The following TACR3 variants were observed in gnomAD, a reference collection of about 807,000 sequenced individuals.
The protein encoded by TACR3 is neuromedin-K receptor.
Under a neutral mutation model 35.0 loss-of-function variants are expected in TACR3, and 34 were observed. The ratio of observed to expected loss-of-function variants is 0.97; its 90% CI spans 0.74 to 1.30. The LOEUF is 1.30. TACR3 is among the 50% of genes most tolerant of loss of function. The pLI is 0.00. For synonymous variants in TACR3, 233 were observed against 221.1 expected (o/e 1.05, Z -0.48); for missense variants, 558 against 591.7 (o/e 0.94, Z 0.59).
intron 3 of TACR3, among the ~76,000 whole-genome samples, chr4:103,596,166 G>T (rs4698899): frequency 0.62 from 88,197 of 143,136 alleles, 27,569 homozygotes; most frequent in Non-Finnish European, 0.64. Context: ...GACATTTGGG[G>T]TGGTTCCAAG....
intron 3 of TACR3, among the ~76,000 whole-genome samples, chr4:103,636,187 A>G (rs889315451): frequency 3.9e-5 from 6 of 152,018 alleles, no homozygotes; most frequent in Non-Finnish European, 4.4e-5. Flanking sequence ...AAGGGAGTTT[A>G]TGTATTGTTT....
chr4:103,717,035 C>T lies in TACR3; in HGVS notation c.548+2093G>A, dbSNP rs149526604. Among the ~76,000 whole-genome samples the T allele has an allele frequency of 2.6e-5, 4 of 152,174 alleles. No homozygotes were observed. The East Asian group carries it at 5.8e-4, about 22-fold the overall frequency. On this transcript the variant is annotated intron_variant, in intron 1 of 4. Transcript: ENST00000304883. ...ATCATTCAGGTGTCAACCTCAGAAGCGTTTTCTTTAACCTATAAAATGACT... is the reference window on the plus strand; with the variant it reads ...ATCATTCAGGTGTCAACCTCAGAAGTGTTTTCTTTAACCTATAAAATGACT...
At chr4:103,630,226 A>G (rs1205320261) in intron 3 of TACR3, among the ~76,000 whole-genome samples, 8 of 152,242 alleles carry the variant, frequency 5.3e-5, no homozygotes, top group Admixed American at 4.6e-4. Context: ...ACCTAAAACC[A>G]TAAAAACCCT....
At chr4:103,624,369 C>T (rs1043885155) in intron 3 of TACR3, 1 of 151,936 alleles carries the variant, frequency 6.6e-6, no homozygotes, top group Non-Finnish European at 1.5e-5. Flanking sequence ...AATAATGAAG[C>T]AGAAATAATC....
intron 3 of TACR3, among the ~76,000 whole-genome samples, chr4:103,598,507 G>A (rs1048572512): frequency 6.6e-6 from 1 of 152,084 alleles, no homozygotes; most frequent in African/African-American, 2.4e-5. Flanking sequence ...CTTTTGGTGT[G>A]TTAGACATGA....
At chr4:103,629,872 CAA>C (rs1157154870) in intron 3 of TACR3, among the ~76,000 whole-genome samples, 36 of 104,150 alleles carry the variant, frequency 3.5e-4, no homozygotes, top group African/African-American at 1.3e-3. Context: ...AAAAAAAAAA[CAA>C]AAAAAACAAC....
In TACR3 at chr4:103,656,945, T is replaced by TA. The variant is rs200239041; in HGVS notation, c.738-602dup. Among the ~76,000 whole-genome samples, 8 of 115,896 alleles carry TA rather than the reference T, an allele frequency of 6.9e-5. No homozygotes were observed. The East Asian group carries it at 1.4e-3, about 20-fold the overall frequency. 76.0% of individuals were successfully genotyped at this position (115,896 alleles called of 152,430 possible). On this transcript the variant is annotated intron_variant, in intron 2 of 4. Coordinates refer to ENST00000304883, the MANE Select transcript of TACR3 (RefSeq NM_001059.3). ...CCATTTGATTGCATTGTTAACTTGG[T>TA]AAAAACAAAACAAAACAAAACAAAA... is the stretch of plus-strand genomic sequence containing the variant.
At chr4:103,709,209 T>A (rs1019554081) in intron 1 of TACR3, among the ~76,000 whole-genome samples, 1 of 152,078 alleles carries the variant, frequency 6.6e-6, no homozygotes, top group Non-Finnish European at 1.5e-5. Flanking sequence ...AATCGTCAGA[T>A]TCACCAAAGT....
At chr4:103,640,249 A>T (rs1302360613) in intron 3 of TACR3, among the ~76,000 whole-genome samples, 1 of 152,110 alleles carries the variant, frequency 6.6e-6, no homozygotes, top group Non-Finnish European at 1.5e-5. Flanking sequence ...TATTGCAAAG[A>T]TATGTATGTA....
At chr4:103,690,235 A>G (rs1722370969) in intron 1 of TACR3, among the ~76,000 whole-genome samples, 1 of 152,190 alleles carries the variant, frequency 6.6e-6, no homozygotes, top group Non-Finnish European at 1.5e-5. Context: ...ATCCACATGA[A>G]GATATAAATT....
chr4:103,603,249 G>A (rs554009571), intron 3 of TACR3, among the ~76,000 whole-genome samples: 8 of 152,206 alleles, frequency 5.3e-5, no homozygotes, highest in African/African-American at 1.4e-4. Flanking sequence ...TTGGAAAAGC[G>A]AAATATTAGG....
At chr4:103,660,427 G>C (rs1405773565) in intron 1 of TACR3, among the ~76,000 whole-genome samples, 1 of 151,994 alleles carries the variant, frequency 6.6e-6, no homozygotes, top group Admixed American at 6.6e-5. Flanking sequence ...GCAAGATAAA[G>C]AAGTTCTAGA....
At chr4:103,686,799 C>T (rs1203898331) in intron 1 of TACR3, among the ~76,000 whole-genome samples, 1 of 152,054 alleles carries the variant, frequency 6.6e-6, no homozygotes, top group Non-Finnish European at 1.5e-5. Flanking sequence ...GGATTCACAG[C>T]CAAATTCTAC....
intron 3 of TACR3, among the ~76,000 whole-genome samples, chr4:103,614,884 G>GTTGTTTTTTTTT (rs1724601422): frequency 1.4e-5 from 1 of 72,006 alleles, no homozygotes; most frequent in Non-Finnish European, 2.6e-5. Flanking sequence ...TTATGAATGT[G>GTTGTTTTTTTTT]TTTTTTTTTT....
intron 1 of TACR3, among the ~76,000 whole-genome samples, chr4:103,701,142 A>G (rs1722640213): frequency 6.6e-6 from 1 of 152,140 alleles, no homozygotes. Flanking sequence ...TTGTATATCT[A>G]GAAAACCCCA....
At chr4:103,659,548 C>T (rs1578246962) in intron 1 of TACR3, among the ~76,000 whole-genome samples, 1 of 152,144 alleles carries the variant, frequency 6.6e-6, no homozygotes, top group Non-Finnish European at 1.5e-5. Flanking sequence ...AAATCAAGTT[C>T]GATTGAGGCT....
intron 1 of TACR3, among the ~76,000 whole-genome samples, chr4:103,683,470 C>CAAAAA (rs57761679): frequency 2.0e-3 from 42 of 21,114 alleles, no homozygotes; most frequent in South Asian, 3.0e-3. Context: ...AAAGACTGAC[C>CAAAAA]AAAAAAAAAA....
At position 103,719,107 on chromosome 4, in the gene TACR3, CTCTG is replaced by C. The variant is rs373587875; in HGVS notation, c.548+17_548+20del. 12 of 1,614,014 alleles carry C rather than the reference CTCTG, an allele frequency of 7.4e-6. No individual in the cohort carries two copies. The highest frequency in any genetic ancestry group is 6.7e-5 in the Admixed American group (4 of 60,012). On this transcript the variant is annotated intron_variant, in intron 1 of 4. Coordinates refer to ENST00000304883, the MANE Select transcript of TACR3 (RefSeq NM_001059.3). Reference sequence around the variant, plus strand: ...TTTCTTTCCCTTCTCCCTCTTTCCTCTCTGTCTGTCCTCTCCTCACCTGTCCACC... The same window carrying C: ...TTTCTTTCCCTTCTCCCTCTTTCCTCTCTGTCCTCTCCTCACCTGTCCACC...
intron 3 of TACR3, among the ~76,000 whole-genome samples, chr4:103,609,298 A>G (rs1724461400): frequency 6.6e-6 from 1 of 152,152 alleles, no homozygotes; most frequent in African/African-American, 2.4e-5. Flanking sequence ...ATATTGTGTT[A>G]GTGTGATTTA....
Sources: allele counts gnomAD v4.1 joint callset (sites outside exome capture counted in the v4.1 genomes callset), GRCh38; gene constraint gnomAD v4.1.1; transcripts MANE v1.5; gene names NCBI Gene and HGNC (gene_info 2026-07-23, HGNC 2026-07-21).